CD109: variants seen among roughly 807,000 people sequenced by gnomAD.
The protein encoded by CD109 is CD109 molecule, also known as CD109 antigen.
In CD109, 149 loss-of-function variants were observed where a neutral mutation model predicts 165.8. The ratio of observed to expected loss-of-function variants is 0.90; its 90% CI spans 0.79 to 1.03. The LOEUF (loss-of-function observed/expected upper bound fraction) is 1.03, where lower values mean the gene tolerates loss of function less well. Among genes scored for constraint, CD109 ranks in the 50% least tolerant of loss-of-function variants. The pLI is 0.00. For missense variants in CD109, 1,712 were observed against 1,677.8 expected (o/e 1.02, Z -0.36); for synonymous variants, 585 against 592.1 (o/e 0.99, Z 0.18).
intron 23 of CD109, among the ~76,000 whole-genome samples, chr6:73,802,820 C>G (rs1775417900): frequency 6.6e-6 from 1 of 151,878 alleles, no homozygotes; most frequent in African/African-American, 2.4e-5. Flanking sequence ...CTGCCTCAGC[C>G]TCCCGAGTAG....
chr6:73,783,257 C>T (rs1227752606), intron 18 of CD109, among the ~76,000 whole-genome samples: 1 of 152,154 alleles, frequency 6.6e-6, no homozygotes, highest in African/African-American at 2.4e-5. Context: ...ATCATGAAAT[C>T]CACATAGTAT....
chr6:73,706,035 G>A (rs1224674299), intron 2 of CD109, among the ~76,000 whole-genome samples: 1 of 152,028 alleles, frequency 6.6e-6, no homozygotes, highest in Non-Finnish European at 1.5e-5. Flanking sequence ...TTGGGGCAGA[G>A]GCAAGTGGAT....
In CD109 at chr6:73,810,051, T is replaced by C. The variant is rs1381206521; in HGVS notation, c.3423T>C (p.Asp1141=). 2 of 1,607,252 alleles carry C rather than the reference T, an allele frequency of 1.2e-6. No homozygotes were observed. The highest frequency in any genetic ancestry group is 2.7e-5 in the African/African-American group (2 of 74,526). The part of the protein sequence containing the change: ...LSDSWQPRSL[D]IEVAAYALLS... ...ACTCCTGGCAGCCACGCTCCCTGGA[T>C]ATTGAAGTTGCAGCCTATGCACTGC... The change falls in exon 27 of 33, where the codon GAT becomes GAC. Residue 1141 remains aspartate (D), a synonymous_variant. Coordinates refer to ENST00000287097, the MANE Select transcript of CD109 (RefSeq NM_133493.5).
chr6:73,765,955 A>G lies in CD109; in HGVS notation c.1133A>G (p.Asn378Ser), dbSNP rs199935091. The stretch of plus-strand genomic sequence containing the variant: ...GTGAAGGTAACTCGTGCTGATGGCA[A>G]CCAACTGACTCTTGAAGAAAGAAGA... ...ATVKVTRADG[N>S]QLTLEERRNN... Residue 378 changes from asparagine (N) to serine (S), a missense_variant, in exon 11 of 33, where the codon AAC becomes AGC. Transcript: ENST00000287097. 3.9e-5 allele frequency: 63 copies of G among 1,613,918 alleles called. No homozygotes were observed. Among genetic ancestry groups the G allele is most frequent in the Non-Finnish European group, 5.3e-5 (62 of 1,179,956 alleles).
intron 5 of CD109, among the ~76,000 whole-genome samples, chr6:73,743,936 C>T (rs1267360825): frequency 6.6e-6 from 1 of 152,210 alleles, no homozygotes; most frequent in East Asian, 1.9e-4. Flanking sequence ...AGAGCATTAT[C>T]TGGCAGAGCT....
At chr6:73,760,030 A>G (rs1240080820) in intron 7 of CD109, among the ~76,000 whole-genome samples, 4 of 152,090 alleles carry the variant, frequency 2.6e-5, no homozygotes, top group South Asian at 2.1e-4. Flanking sequence ...GCTGTGATTT[A>G]TAGACTGCAA....
chr6:73,745,780 G>A (rs1772961826), intron 5 of CD109, among the ~76,000 whole-genome samples: 1 of 152,230 alleles, frequency 6.6e-6, no homozygotes, highest in Non-Finnish European at 1.5e-5. Context: ...CCAGGCTGGA[G>A]TGCAGTGGCA....
intron 2 of CD109, among the ~76,000 whole-genome samples, chr6:73,720,202 G>C (rs1399234579): frequency 6.6e-6 from 1 of 152,128 alleles, no homozygotes; most frequent in African/African-American, 2.4e-5. Flanking sequence ...AGGAGGTCTT[G>C]TCATTTTCAG....
chr6:73,744,919 G>C (rs986053440), intron 5 of CD109, among the ~76,000 whole-genome samples: 4 of 152,170 alleles, frequency 2.6e-5, no homozygotes, highest in African/African-American at 7.2e-5. Context: ...CAGTGCTATA[G>C]ATGATCTTAG....
intron 16 of CD109, among the ~76,000 whole-genome samples, chr6:73,780,780 AATATATAAATATATTTTATGT>A (rs1774457065): frequency 1.4e-5 from 1 of 71,224 alleles, no homozygotes; most frequent in African/African-American, 6.3e-5. Flanking sequence ...GTATATATAT[AATATATAAATATATTTTATGT>A]ATATATATAA....
chr6:73,760,957 G>A (rs1229349113), intron 7 of CD109, among the ~76,000 whole-genome samples: 1 of 151,512 alleles, frequency 6.6e-6, no homozygotes, highest in Non-Finnish European at 1.5e-5. Context: ...GGAGGTTGCA[G>A]TGAGCCGAGA....
intron 2 of CD109, among the ~76,000 whole-genome samples, chr6:73,721,556 G>A (rs1243147835): frequency 6.6e-6 from 1 of 151,674 alleles, no homozygotes; most frequent in Non-Finnish European, 1.5e-5. Flanking sequence ...AGTAGAGATG[G>A]GGTTTCACCA....
intron 2 of CD109, among the ~76,000 whole-genome samples, chr6:73,722,833 G>C (rs1236067365): frequency 1.3e-5 from 2 of 152,184 alleles, no homozygotes; most frequent in African/African-American, 4.8e-5. Context: ...GCTCACCCCT[G>C]ACATGACTAA....
At chr6:73,803,370 G>A (rs990866297) in intron 24 of CD109, 69 bp downstream of exon 24, 42 of 1,077,432 alleles carry the variant, frequency 3.9e-5, no homozygotes, top group East Asian at 2.7e-4. Context: ...CAATAGCCAC[G>A]AAATTGACAG....
chr6:73,688,761 GT>G, the CD109 span, among the ~76,000 whole-genome samples: 1,157 of 73,474 alleles, frequency 0.016, 2 homozygotes, highest in Middle Eastern at 0.031. Flanking sequence ...GTTTTTCTTT[GT>G]TTTTTTTTTT....
chr6:73,813,592 G>A (rs537920746), intron 29 of CD109, among the ~76,000 whole-genome samples: 2 of 152,214 alleles, frequency 1.3e-5, no homozygotes, highest in South Asian at 4.2e-4. Context: ...TGGGTATTGA[G>A]ATTTCTTACA....
chr6:73,711,005 TC>T (rs903085136), intron 2 of CD109, among the ~76,000 whole-genome samples: 2 of 152,104 alleles, frequency 1.3e-5, no homozygotes, highest in African/African-American at 2.4e-5. Flanking sequence ...CTTTTGATAT[TC>T]CCCCCAGCTA....
At chr6:73,717,140 C>A (rs1459025029) in intron 2 of CD109, among the ~76,000 whole-genome samples, 1 of 151,328 alleles carries the variant, frequency 6.6e-6, no homozygotes, top group African/African-American at 2.4e-5. Flanking sequence ...GGTCGTGTGT[C>A]TGTTTTTATG....
chr6:73,805,027 T>A (rs1775513926), intron 24 of CD109, among the ~76,000 whole-genome samples: 1 of 152,182 alleles, frequency 6.6e-6, no homozygotes, highest in Non-Finnish European at 1.5e-5. Flanking sequence ...TGTGGAGAGA[T>A]AGGAATACTT....
Sources: gnomAD v4.1 joint callset for allele counts (sites outside exome capture counted in the v4.1 genomes callset) on GRCh38, gnomAD v4.1.1 for gene constraint, MANE v1.5 for transcripts, NCBI Gene and HGNC (gene_info 2026-07-23, HGNC 2026-07-21) for gene names.